TRIM74: variants seen among roughly 807,000 people sequenced by gnomAD.
The protein encoded by TRIM74 is tripartite motif containing 74.
A neutral mutation model predicts 14.5 loss-of-function variants in TRIM74; 3 were observed. The observed-to-expected ratio is 0.21, with a 90% CI of 0.09 to 0.53. The LOEUF is 0.53. Among genes scored for constraint, TRIM74 ranks in the 20% least tolerant of loss-of-function variants. TRIM74 has a pLI of 0.95. For missense variants in TRIM74, 26 were observed against 174.0 expected, an observed-to-expected ratio of 0.15 and a Z score of 4.79; for synonymous variants, 10 against 71.3, an observed-to-expected ratio of 0.14 and a Z score of 4.33.
chr7:72,955,377 G>A (rs1181500438), downstream of TRIM74, among the ~76,000 whole-genome samples: 2 of 130,946 alleles, frequency 1.5e-5, no homozygotes, highest in Non-Finnish European at 3.2e-5. Flanking sequence ...GATTACAGGC[G>A]TGAGCCCCCA....
downstream of TRIM74, chr7:72,955,081 ATG>A: frequency 2.0e-5 from 10 of 494,842 alleles, no homozygotes; most frequent in Non-Finnish European, 2.6e-5. Context: ...TTATGTGTGT[ATG>A]TGTGTATATA....
At chr7:72,955,109 A>ATTTTT (rs1490163208), downstream of TRIM74, 2 of 110,942 alleles carry the variant, frequency 1.8e-5, no homozygotes, top group African/African-American at 9.0e-5. Flanking sequence ...ATATATATAT[A>ATTTTT]TATTTTTTTT....
At chr7:72,954,901 G>C, downstream of TRIM74, 1 of 546,810 alleles carries the variant, frequency 1.8e-6, no homozygotes, top group Non-Finnish European at 3.3e-6. Context: ...GCACCTGCTG[G>C]GGTAGGGAAT....
intron 3 of TRIM74, among the ~76,000 whole-genome samples, 178 bp from the exon 4 acceptor site, chr7:72,960,429 CGGTGGCCGTGGGGAG>C (rs781832287): frequency 0.016 from 100 of 6,094 alleles, 3 homozygotes; most frequent in South Asian, 0.035. Context: ...GGAGCCCTGG[CGGTGGCCGTGGGGAG>C]GGTGGCCCCA....
At chr7:72,967,063 G>C (rs1798298263) in intron 1 of TRIM74, 1 of 152,316 alleles carries the variant, frequency 6.6e-6, no homozygotes, top group African/African-American at 2.4e-5. Flanking sequence ...CACAGGACTG[G>C]GGAGGCAGCC....
At chr7:72,957,316 C>T (rs1185599958), downstream of TRIM74, among the ~76,000 whole-genome samples, 2 of 150,376 alleles carry the variant, frequency 1.3e-5, no homozygotes, top group Non-Finnish European at 2.9e-5. Flanking sequence ...GCGGCCTTGC[C>T]ATCATCGTGA....
intron 2 of TRIM74, among the ~76,000 whole-genome samples, chr7:72,962,609 G>T (rs1384890926): frequency 4.6e-5 from 3 of 64,846 alleles, no homozygotes; most frequent in Non-Finnish European, 9.3e-5. Context: ...GTGAACCTGG[G>T]AGGCGGAGCT....
downstream of TRIM74, among the ~76,000 whole-genome samples, chr7:72,956,259 G>C (rs1479626486): frequency 1.9e-5 from 2 of 104,798 alleles, no homozygotes; most frequent in East Asian, 2.6e-4. Context: ...AGGCAGAATC[G>C]TTTGAACCTG....
intron 2 of TRIM74, among the ~76,000 whole-genome samples, chr7:72,962,575 G>A (rs1247323271): frequency 3.5e-5 from 1 of 28,330 alleles, no homozygotes; most frequent in African/African-American, 1.7e-4. Context: ...CCAGCTACTC[G>A]GGAGGCTGAG....
chr7:72,963,738 A>G (rs1348388305), intron 2 of TRIM74, among the ~76,000 whole-genome samples: 4 of 144,096 alleles, frequency 2.8e-5, no homozygotes, highest in Admixed American at 2.8e-4. Flanking sequence ...CCAAATCTAA[A>G]ACAGGGACCC....
At chr7:72,956,637 AC>A (rs1798100107), downstream of TRIM74, among the ~76,000 whole-genome samples, 1 of 148,884 alleles carries the variant, frequency 6.7e-6, no homozygotes, top group South Asian at 2.2e-4. Flanking sequence ...GGATGGGGAA[AC>A]CTGGGGTGGT....
Position 72,960,009 on chromosome 7 carries a change from C to T in TRIM74, c.726+12G>A. On this transcript the variant is annotated intron_variant, in intron 4 of 4. Coordinates refer to ENST00000285805, the MANE Select transcript of TRIM74 (RefSeq NM_198853.3). ...GCGGGTATGGGGATGGGACGCCTCC[C>T]TGTCCACTCACCCAGATGAACTCAT... 5.0e-6 allele frequency: 8 copies of T among 1,610,398 alleles called. No homozygotes were observed. Among genetic ancestry groups the T allele is most frequent in the Non-Finnish European group, 6.8e-6 (8 of 1,178,996 alleles).
chr7:72,967,132 G>A (rs1554507462), intron 1 of TRIM74, among the ~76,000 whole-genome samples: 3 of 152,310 alleles, frequency 2.0e-5, no homozygotes, highest in South Asian at 2.1e-4. Context: ...TGGAGGAGGG[G>A]CAGAAACAGA....
upstream of TRIM74, chr7:72,969,605 T>C: frequency 2.7e-6 from 4 of 1,483,260 alleles, no homozygotes; most frequent in Non-Finnish European, 3.7e-6. Context: ...GCGACCTCTG[T>C]AGTTCCAGAG....
At chr7:72,955,699 G>A (rs1292006683), downstream of TRIM74, among the ~76,000 whole-genome samples, 3 of 141,296 alleles carry the variant, frequency 2.1e-5, no homozygotes, top group Non-Finnish European at 3.0e-5. Flanking sequence ...TTTTGATGAG[G>A]TCCCACTCCG....
downstream of TRIM74, among the ~76,000 whole-genome samples, chr7:72,956,814 AAG>A (rs1563184312): frequency 6.8e-6 from 1 of 147,494 alleles, no homozygotes; most frequent in Non-Finnish European, 1.5e-5. Flanking sequence ...GTATCCCTAT[AAG>A]AGAGAGGCAG....
downstream of TRIM74, among the ~76,000 whole-genome samples, chr7:72,955,287 G>T (rs1195643269): frequency 7.1e-5 from 9 of 125,934 alleles, no homozygotes; most frequent in Admixed American, 6.5e-4. Context: ...AGTAGAGACG[G>T]GGTTTCACCA....
rs782060265 is a variant in TRIM74, at chr7:72,965,785, C to T, written c.373G>A (p.Val125Ile). Residue 125 changes from valine to isoleucine, a missense_variant, in exon 2 of 5, where the codon GTC becomes ATC. Coordinates refer to ENST00000285805, the MANE Select transcript of TRIM74 (RefSeq NM_198853.3). ...GSHQHHPVTP[V>I]STVCSRMKEE... ...TTCATGCGGCTGCAGACGGTGGAGA[C>T]GGGCGTGACCGGGTGGTGTTGGTGG... The T allele has an allele frequency of 2.2e-5, 4 of 184,286 alleles. 1 individual carries two copies. Among genetic ancestry groups the T allele is most frequent in the South Asian group, 1.9e-4 (4 of 20,858 alleles). 11.4% of individuals were successfully genotyped at this position (184,286 alleles called of 1,614,324 possible).
intron 1 of TRIM74, among the ~76,000 whole-genome samples, 190 bp from the exon 2 acceptor site, chr7:72,966,365 A>C (rs1554507241): frequency 7.2e-6 from 1 of 139,774 alleles, no homozygotes; most frequent in African/African-American, 3.2e-5. Context: ...GCAGTGAAAA[A>C]ACTGGTCCCT....
Sources: gnomAD v4.1 joint callset for allele counts (sites outside exome capture counted in the v4.1 genomes callset) on GRCh38, gnomAD v4.1.1 for gene constraint, MANE v1.5 for transcripts, NCBI Gene and HGNC (gene_info 2026-07-23, HGNC 2026-07-21) for gene names.